Variants in PHKB observed in about 807,000 individuals in gnomAD.
PHKB encodes the protein phosphorylase b kinase regulatory subunit beta.
Under a neutral mutation model 152.1 loss-of-function variants are expected in PHKB, and 122 were observed. The observed-to-expected ratio is 0.80, with a 90% CI of 0.69 to 0.93. The LOEUF (loss-of-function observed/expected upper bound fraction) is 0.93, where lower values mean the gene tolerates loss of function less well. Ranked by LOEUF, PHKB falls within the 40% of genes least tolerant of loss-of-function variation. PHKB has a pLI of 0.00. For synonymous variants in PHKB, 436 were observed against 464.9 expected (o/e 0.94, Z 0.80); for missense variants, 1,304 against 1,328.4 (o/e 0.98, Z 0.29).
At position 47,603,456 on chromosome 16, in the gene PHKB, T is replaced by TCAC. The variant is rs760159931; in HGVS notation, c.1363+6927_1363+6929dup. ...CACATGTAGTATTACTTTAAAGGCT[T>TCAC]CACCTGGGAAGACTTTCTTTAGCTT... On this transcript the variant is annotated intron_variant, in intron 13 of 30. Transcript: ENST00000323584. Among the ~76,000 whole-genome samples, 25 of 151,118 alleles carry TCAC rather than the reference T, an allele frequency of 1.7e-4. No homozygotes were observed. The East Asian group carries it at 4.5e-3, about 27-fold the overall frequency.
rs900713032 is a variant in PHKB at position 47,606,896 on chromosome 16, C to T, written c.1364-3930C>T. ...GCCTCTCACTCTAAATTTCCATCCT[C>T]GTTATACCCTAGGATTTTATCAAAA... is the stretch of plus-strand genomic sequence containing the variant. On this transcript the variant is annotated intron_variant, in intron 13 of 30. Coordinates refer to ENST00000323584, the MANE Select transcript of PHKB (RefSeq NM_000293.3). 7.2e-4 allele frequency among the ~76,000 whole-genome samples: 109 copies of T among 152,200 alleles called. 2 individuals carry two copies. Among genetic ancestry groups the T allele is most frequent in the Non-Finnish European group, 3.2e-4 (22 of 68,012 alleles).
intron 14 of PHKB, among the ~76,000 whole-genome samples, chr16:47,611,237 C>G (rs935436011): frequency 6.6e-6 from 1 of 152,148 alleles, no homozygotes; most frequent in African/African-American, 2.4e-5. Context: ...GAGTGGGATT[C>G]CCCAAAAGGC....
intron 6 of PHKB, among the ~76,000 whole-genome samples, chr16:47,542,841 C>G (rs948442843): frequency 2.6e-5 from 4 of 152,144 alleles, no homozygotes; most frequent in East Asian, 1.9e-4. Flanking sequence ...GATTTTTGCA[C>G]ATTGATTTTG....
chr16:47,675,855 G>A (rs1376607077), intron 26 of PHKB: 2 of 152,182 alleles, frequency 1.3e-5, no homozygotes, highest in Non-Finnish European at 2.9e-5. Flanking sequence ...CAGTAATAAA[G>A]GCTTGGGAAT....
chr16:47,472,996 T>C (rs1320015978), intron 1 of PHKB, among the ~76,000 whole-genome samples: 2 of 151,576 alleles, frequency 1.3e-5, no homozygotes, highest in African/African-American at 4.8e-5. Flanking sequence ...ACATATTTAG[T>C]CTTGAAGATG....
chr16:47,629,918 G>T (rs1308955978), intron 14 of PHKB, among the ~76,000 whole-genome samples: 5 of 151,146 alleles, frequency 3.3e-5, no homozygotes, highest in Non-Finnish European at 7.4e-5. Context: ...GTAAACTATC[G>T]CAATAACAAA....
intron 7 of PHKB, among the ~76,000 whole-genome samples, chr16:47,556,080 A>T (rs1219738545): frequency 6.6e-6 from 1 of 152,060 alleles, no homozygotes; most frequent in Non-Finnish European, 1.5e-5. Context: ...TTTGTCTGTT[A>T]TTGGTGTCTA....
chr16:47,695,539 T>C (rs547840931), intron 28 of PHKB, among the ~76,000 whole-genome samples: 1 of 152,352 alleles, frequency 6.6e-6, no homozygotes, highest in South Asian at 2.1e-4. Context: ...GTCACTTGAT[T>C]GAAAGAGGAC....
At chr16:47,547,570 T>C (rs766849714) in intron 7 of PHKB, 22 bp downstream of exon 7, 1 of 1,161,842 alleles carries the variant, frequency 8.6e-7, no homozygotes, top group Non-Finnish European at 1.3e-6. Flanking sequence ...ATTTCTGAGG[T>C]TTTTTTTTTA....
intron 30 of PHKB, 129 bp from the exon 31 acceptor site, chr16:47,699,100 G>A: frequency 1.2e-6 from 1 of 844,322 alleles, no homozygotes; most frequent in Non-Finnish European, 2.0e-6. Flanking sequence ...GAAAAGCTCA[G>A]GAATCTCATA....
At chr16:47,581,598 T>G (rs745580370) in intron 8 of PHKB, among the ~76,000 whole-genome samples, 5 of 152,252 alleles carry the variant, frequency 3.3e-5, no homozygotes, top group Non-Finnish European at 7.3e-5. Context: ...CAGGAGGTTT[T>G]CATGCAAATA....
chr16:47,675,836 C>T (rs1162555130), intron 26 of PHKB: 1 of 152,202 alleles, frequency 6.6e-6, no homozygotes, highest in African/African-American at 2.4e-5. Context: ...CCACAGCACT[C>T]TTCCACCACA....
At chr16:47,472,539 T>C (rs1169347625) in intron 1 of PHKB, among the ~76,000 whole-genome samples, 6 of 151,982 alleles carry the variant, frequency 3.9e-5, no homozygotes, top group East Asian at 1.9e-4. Context: ...TCGCAGCACT[T>C]TGGGAGGCCG....
Position 47,657,615 on chromosome 16 carries a change from AT to A in PHKB, c.1972-2881del, listed in dbSNP as rs1008680518. Among the ~76,000 whole-genome samples the A allele has an allele frequency of 1.3e-3, 193 of 150,712 alleles. 3 individuals are homozygous for A. Among genetic ancestry groups the A allele is most frequent in the South Asian group, 5.3e-3 (25 of 4,748 alleles). On this transcript the variant is annotated intron_variant, in intron 20 of 30. Coordinates refer to ENST00000323584, the MANE Select transcript of PHKB (RefSeq NM_000293.3). ...TATAGGAGCTTCTACAACCAACTGA[AT>A]TTTTTTTTTAATCAAAAGCCCTATA...
intron 13 of PHKB, among the ~76,000 whole-genome samples, chr16:47,599,478 G>T (rs1449739433): frequency 6.6e-6 from 1 of 152,146 alleles, no homozygotes; most frequent in Non-Finnish European, 1.5e-5. Context: ...AAAAGAAAAA[G>T]ATTGACAATA....
At chr16:47,587,510 A>G (rs1481640510) in intron 8 of PHKB, among the ~76,000 whole-genome samples, 158 bp from the exon 9 acceptor site, 2 of 152,216 alleles carry the variant, frequency 1.3e-5, no homozygotes, top group Non-Finnish European at 2.9e-5. Flanking sequence ...GATATTTGAG[A>G]AATATTGAAA....
At chr16:47,550,028 G>A (rs909814362) in intron 7 of PHKB, among the ~76,000 whole-genome samples, 1 of 152,130 alleles carries the variant, frequency 6.6e-6, no homozygotes, top group African/African-American at 2.4e-5. Flanking sequence ...TGACATTGAT[G>A]TTCTACTTGT....
intron 1 of PHKB, among the ~76,000 whole-genome samples, chr16:47,479,461 T>A (rs1416555717): frequency 6.6e-6 from 1 of 151,878 alleles, no homozygotes; most frequent in East Asian, 1.9e-4. Flanking sequence ...CTCTCTCATT[T>A]TTTTTTTTTT....
intron 5 of PHKB, 123 bp from the exon 6 acceptor site, chr16:47,515,398 G>A: frequency 1.5e-6 from 1 of 687,220 alleles, no homozygotes; most frequent in Admixed American, 2.1e-5. Context: ...ATTCACAGTA[G>A]GAAAGGAAAT....
Sources: allele counts gnomAD v4.1 joint callset (sites outside exome capture counted in the v4.1 genomes callset), GRCh38; gene constraint gnomAD v4.1.1; transcripts MANE v1.5; gene names NCBI Gene and HGNC (gene_info 2026-07-23, HGNC 2026-07-21).